TMC7: variants seen among roughly 807,000 people sequenced by gnomAD.
TMC7 encodes the protein transmembrane channel-like protein 7.
In TMC7, 54 loss-of-function variants were observed where a neutral mutation model predicts 82.9. The ratio of observed to expected loss-of-function variants is 0.65; its 90% CI spans 0.52 to 0.82. The LOEUF (loss-of-function observed/expected upper bound fraction) is 0.82. Ranked by LOEUF, TMC7 falls within the 40% of genes least tolerant of loss-of-function variation. The pLI is 0.00. For missense variants in TMC7, 820 were observed against 901.2 expected (o/e 0.91, Z 1.15); for synonymous variants, 350 against 337.9 (o/e 1.04, Z -0.39).
chr16:19,028,970 A>T (rs201092870), intron 5 of TMC7, among the ~76,000 whole-genome samples: 1,863 of 67,350 alleles, frequency 0.028, 78 homozygotes, highest in East Asian at 0.18. Flanking sequence ...TGCACTTTTT[A>T]AAAAAAAATT....
At chr16:19,038,320 C>T (rs553565732) in intron 8 of TMC7, among the ~76,000 whole-genome samples, 10 of 152,186 alleles carry the variant, frequency 6.6e-5, no homozygotes, top group African/African-American at 1.9e-4. Context: ...CTCAGCCTCC[C>T]GAGTAGCTGG....
intron 11 of TMC7, 58 bp downstream of exon 11, chr16:19,045,496 T>TAC (rs1399927488): frequency 7.0e-5 from 78 of 1,111,606 alleles, no homozygotes; most frequent in Middle Eastern, 4.1e-4. Flanking sequence ...CACACACACA[T>TAC]ACACACACAC....
At position 19,044,964 on chromosome 16, in the gene TMC7, CAT is replaced by C. The variant is rs1463739244; in HGVS notation, c.1419_1420del (p.Cys474Ter). ...AAGATCACATCCTGTGATGATGACA[CAT>C]GTGACCTTTGCGGCTACAACCAGAA... On this transcript the variant is annotated frameshift_variant, in exon 10 of 16. Transcript: ENST00000304381. LOFTEE classifies it high-confidence loss of function. 4 of 1,613,984 alleles carry C rather than the reference CAT, an allele frequency of 2.5e-6. No homozygotes were observed. Among genetic ancestry groups the C allele is most frequent in the Non-Finnish European group, 1.7e-6 (2 of 1,180,016 alleles).
At chr16:19,003,153 A>G (rs1032619092) in intron 1 of TMC7, among the ~76,000 whole-genome samples, 7 of 152,340 alleles carry the variant, frequency 4.6e-5, no homozygotes, top group Admixed American at 2.6e-4. Flanking sequence ...CAACAAAGCA[A>G]GACCCCGTCT....
intron 13 of TMC7, among the ~76,000 whole-genome samples, chr16:19,055,559 C>T (rs534623064): frequency 6.6e-6 from 1 of 152,176 alleles, no homozygotes; most frequent in South Asian, 2.1e-4. Context: ...GGTTTCACCA[C>T]GTTGGCCAGG....
At chr16:19,008,765 A>G (rs2039284977) in intron 1 of TMC7, among the ~76,000 whole-genome samples, 1 of 152,170 alleles carries the variant, frequency 6.6e-6, no homozygotes, top group South Asian at 2.1e-4. Context: ...TATGCTTTTT[A>G]GAGTTTTATT....
At chr16:18,986,669 C>T (rs1240666668) in intron 1 of TMC7, among the ~76,000 whole-genome samples, 1 of 152,164 alleles carries the variant, frequency 6.6e-6, no homozygotes, top group Non-Finnish European at 1.5e-5. Flanking sequence ...CTTTCCAGGC[C>T]CTCATCACCT....
intron 1 of TMC7, among the ~76,000 whole-genome samples, chr16:19,004,401 G>A (rs1261554750): frequency 6.6e-6 from 1 of 152,082 alleles, no homozygotes; most frequent in Non-Finnish European, 1.5e-5. Flanking sequence ...GTCTTGCTCT[G>A]TTGCCCAGGT....
rs558887362 is a variant in TMC7 at position 19,002,234 on chromosome 16, C to CT, written c.68-6919dup. Among the ~76,000 whole-genome samples the CT allele has an allele frequency of 9.2e-3, 1,175 of 127,084 alleles. 3 individuals carry two copies. The highest frequency in any genetic ancestry group is 0.014 in the Non-Finnish European group (801 of 59,252). 83.4% of individuals were successfully genotyped at this position (127,084 alleles called of 152,430 possible). A position where few individuals can be genotyped will look rare whatever the true frequency, so the allele number is the denominator to read the frequency against. On this transcript the variant is annotated intron_variant, in intron 1 of 15. Coordinates refer to ENST00000304381, the MANE Select transcript of TMC7 (RefSeq NM_024847.4). ...CATTCATTCTTCAGATGGAGGGCCG[C>CT]TTTTTTTTTTTTTTTTTTTAAGATG...
At chr16:19,051,395 C>G (rs1475717330) in intron 12 of TMC7, among the ~76,000 whole-genome samples, 1 of 138,908 alleles carries the variant, frequency 7.2e-6, no homozygotes, top group Non-Finnish European at 1.6e-5. Context: ...AATGCTATCC[C>G]TCCCCCCTCC....
intron 1 of TMC7, among the ~76,000 whole-genome samples, chr16:18,996,298 A>G (rs2039042792): frequency 6.6e-6 from 1 of 152,112 alleles, no homozygotes; most frequent in Non-Finnish European, 1.5e-5. Flanking sequence ...CAGACAGGAG[A>G]AAGAAGAAAG....
chr16:19,044,835 C>A (rs1961189367), intron 9 of TMC7, 49 bp from the exon 10 acceptor site: 2 of 1,411,108 alleles, frequency 1.4e-6, no homozygotes, highest in Admixed American at 1.7e-5. Context: ...AAGGGACCAG[C>A]CACCCTGAGG....
intron 1 of TMC7, among the ~76,000 whole-genome samples, chr16:19,007,765 C>G (rs1472069755): frequency 6.6e-6 from 1 of 151,706 alleles, no homozygotes; most frequent in Non-Finnish European, 1.5e-5. Context: ...CCTCTGTCCC[C>G]TGACACCACT....
chr16:19,053,822 A>G (rs2142309967), intron 13 of TMC7, among the ~76,000 whole-genome samples: 1 of 150,708 alleles, frequency 6.6e-6, no homozygotes, highest in Non-Finnish European at 1.5e-5. Flanking sequence ...AGTGATGGTC[A>G]TCTCCTCATA....
intron 14 of TMC7, 114 bp from the exon 15 acceptor site, chr16:19,059,302 G>A: frequency 1.3e-6 from 2 of 1,517,314 alleles, no homozygotes; most frequent in Non-Finnish European, 1.8e-6. Flanking sequence ...ATCATGCCCA[G>A]CCTTCTTTTC....
chr16:19,055,392 C>G (rs2142313962), intron 13 of TMC7, among the ~76,000 whole-genome samples: 1 of 152,198 alleles, frequency 6.6e-6, no homozygotes, highest in East Asian at 1.9e-4. Flanking sequence ...GCATGTCGCT[C>G]TGTCGCCCAG....
chr16:18,994,690 C>T (rs747792191), intron 1 of TMC7, among the ~76,000 whole-genome samples: 23 of 151,870 alleles, frequency 1.5e-4, no homozygotes, highest in Non-Finnish European at 3.1e-4. Flanking sequence ...TTTGGCACCA[C>T]GGGGTGGATA....
At chr16:19,040,474 A>G (rs1235766813) in intron 9 of TMC7, 28 bp downstream of exon 9, 2 of 1,596,202 alleles carry the variant, frequency 1.3e-6, no homozygotes, top group Admixed American at 1.7e-5. Context: ...GATGGCAGGC[A>G]TGTCAAGCCA....
chr16:19,035,684 A>C lies in TMC7; in HGVS notation c.866A>C (p.Glu289Ala). The C allele has an allele frequency of 3.1e-6, 5 of 1,614,136 alleles. No homozygotes were observed. The highest frequency in any genetic ancestry group is 3.4e-6 in the Non-Finnish European group (4 of 1,180,014). The change falls in exon 7 of 16, where the codon GAA becomes GCA. Residue 289 changes from glutamate to alanine, a missense_variant. Coordinates refer to ENST00000304381, the MANE Select transcript of TMC7 (RefSeq NM_024847.4). ...SLLWIVKRSV[E>A]GFKINLIRSE... ...TTGTGTTTTGGGGTCAGGTCGGTGG[A>C]AGGATTCAAAATCAACCTGATTCGG...
Sources: allele counts gnomAD v4.1 joint callset (sites outside exome capture counted in the v4.1 genomes callset), GRCh38; gene constraint gnomAD v4.1.1; transcripts MANE v1.5; gene names NCBI Gene and HGNC (gene_info 2026-07-23, HGNC 2026-07-21).